The following VMP1 variants were observed in gnomAD, a reference collection of about 807,000 sequenced individuals.
VMP1 encodes the protein ectopic P-granules autophagy protein 3 homolog.
Under a neutral mutation model 56.0 loss-of-function variants are expected in VMP1, and 11 were observed. The ratio of observed to expected loss-of-function variants is 0.20; its 90% CI spans 0.12 to 0.32. The LOEUF (loss-of-function observed/expected upper bound fraction) is 0.32, where lower values mean the gene tolerates loss of function less well. VMP1 is among the 10% of genes least tolerant of loss of function. The probability of loss-of-function intolerance (pLI) is 1.00; values close to 1 mark genes in which losing one functional copy is unlikely to be tolerated. For missense variants in VMP1, 296 were observed against 490.3 expected, an observed-to-expected ratio of 0.60 and a Z score of 3.74; for synonymous variants, 149 against 165.0, an observed-to-expected ratio of 0.90 and a Z score of 0.74.
At chr17:59,818,678 C>T (rs760926293) in intron 10 of VMP1, among the ~76,000 whole-genome samples, 24 of 151,752 alleles carry the variant, frequency 1.6e-4, no homozygotes, top group Non-Finnish European at 2.8e-4. Context: ...GCGGAGGTTG[C>T]GGTGAGCTGA....
intron 10 of VMP1, among the ~76,000 whole-genome samples, chr17:59,837,020 T>C (rs186762380): frequency 3.0e-3 from 459 of 151,572 alleles, no homozygotes; most frequent in Admixed American, 6.0e-3. Context: ...GCAAAGATGG[T>C]GAAACCCCAT....
At chr17:59,801,393 G>A (rs2047724090) in intron 7 of VMP1, among the ~76,000 whole-genome samples, 1 of 149,600 alleles carries the variant, frequency 6.7e-6, no homozygotes, top group African/African-American at 2.4e-5. Flanking sequence ...ACACAGACTT[G>A]CATCACCACA....
chr17:59,734,586 A>G (rs2034948816), intron 2 of VMP1, among the ~76,000 whole-genome samples: 1 of 152,066 alleles, frequency 6.6e-6, no homozygotes, highest in African/African-American at 2.4e-5. Context: ...CAAAAATATT[A>G]GTTGGGTGCG....
chr17:59,725,257 C>T (rs1469134477), intron 1 of VMP1, among the ~76,000 whole-genome samples: 1 of 152,098 alleles, frequency 6.6e-6, no homozygotes, highest in East Asian at 1.9e-4. Flanking sequence ...GTGTGATTTT[C>T]TTCAGTTATG....
chr17:59,726,636 T>G (rs2034618004), intron 1 of VMP1, among the ~76,000 whole-genome samples: 1 of 152,230 alleles, frequency 6.6e-6, no homozygotes, highest in Admixed American at 6.5e-5. Flanking sequence ...TAAGTATAGC[T>G]TCAAGTTAAA....
intron 1 of VMP1, among the ~76,000 whole-genome samples, chr17:59,724,975 A>T (rs1451916073): frequency 7.3e-6 from 1 of 137,770 alleles, no homozygotes; most frequent in Non-Finnish European, 1.6e-5. Context: ...CAAAAAAAAA[A>T]ACAAAAACAA....
intron 1 of VMP1, among the ~76,000 whole-genome samples, chr17:59,726,357 A>T (rs1407841960): frequency 6.6e-6 from 1 of 151,008 alleles, no homozygotes; most frequent in African/African-American, 2.4e-5. Context: ...GCAGTGGTGC[A>T]ATCTCGGCTC....
At chr17:59,838,209 G>T in intron 10 of VMP1, 86 bp from the exon 11 acceptor site, 1 of 1,056,646 alleles carries the variant, frequency 9.5e-7, no homozygotes, top group Non-Finnish European at 1.4e-6. Flanking sequence ...TTTGAGTCCA[G>T]GTGGTAAGTA....
chr17:59,726,291 G>GTTTTTTT (rs541555827), intron 1 of VMP1, among the ~76,000 whole-genome samples: 6 of 145,058 alleles, frequency 4.1e-5, no homozygotes, highest in Non-Finnish European at 1.5e-5. Flanking sequence ...AGTTTTTTTT[G>GTTTTTTT]TTTTTTTTTT....
At chr17:59,760,485 T>C (rs1228586442) in intron 5 of VMP1, among the ~76,000 whole-genome samples, 1 of 152,202 alleles carries the variant, frequency 6.6e-6, no homozygotes, top group Non-Finnish European at 1.5e-5. Flanking sequence ...AAGTCTGACC[T>C]ATTTTTCCCT....
At position 59,778,539 on chromosome 17, in the gene VMP1, T is replaced by C. The variant is rs891185227; in HGVS notation, c.714+4654T>C. Among the ~76,000 whole-genome samples, 3 of 101,932 alleles carry C rather than the reference T, an allele frequency of 2.9e-5. No individual in the cohort carries two copies. The South Asian group carries it at 9.9e-4, about 34-fold the overall frequency. The allele number at this position is 101,932 out of a possible 152,430, so 66.9% of individuals were successfully genotyped here. A position where few individuals can be genotyped will look rare whatever the true frequency, so the allele number is the denominator to read the frequency against. On this transcript the variant is annotated intron_variant, in intron 7 of 11. Transcript: ENST00000262291. ...GCCTGGGTGAGAGCGAGACTCTGTC[T>C]CAAAAAAAAAAAAAAAAGAATAAGG...
At position 59,747,951 on chromosome 17, in the gene VMP1, C is replaced by G. The variant is rs553676216; in HGVS notation, c.414+9004C>G. Among the ~76,000 whole-genome samples the G allele has an allele frequency of 4.3e-3, 646 of 151,494 alleles. 6 individuals are homozygous for G. The highest frequency in any genetic ancestry group is 0.014 in the African/African-American group (591 of 41,340). On this transcript the variant is annotated intron_variant, in intron 5 of 11. Coordinates refer to ENST00000262291, the MANE Select transcript of VMP1 (RefSeq NM_030938.5). ...GTGGCTCACGCCTGTAATCCCAGCA[C>G]TTTGGGAGGCCAAGACGGGCGGATC...
chr17:59,756,866 T>C (rs529797926), intron 5 of VMP1, among the ~76,000 whole-genome samples: 1 of 152,348 alleles, frequency 6.6e-6, no homozygotes, highest in Non-Finnish European at 1.5e-5. Flanking sequence ...CTCTGGTCTT[T>C]TGGATGGTAT....
chr17:59,731,609 T>G (rs2034827303), intron 2 of VMP1, 87 bp downstream of exon 2: 1 of 954,946 alleles, frequency 1.0e-6, no homozygotes, highest in South Asian at 2.4e-5. Context: ...TATTACTTCT[T>G]TTATTTTTAA....
intron 8 of VMP1, among the ~76,000 whole-genome samples, chr17:59,811,452 G>A (rs1460357282): frequency 6.6e-6 from 1 of 152,156 alleles, no homozygotes; most frequent in Admixed American, 6.5e-5. Flanking sequence ...GGTTTGCTGT[G>A]AGCAGATTGA....
chr17:59,721,054 T>G (rs2034374806), intron 1 of VMP1, among the ~76,000 whole-genome samples: 1 of 149,952 alleles, frequency 6.7e-6, no homozygotes, highest in Non-Finnish European at 1.5e-5. Context: ...GATATAAAAA[T>G]AGGGATGGGG....
chr17:59,730,467 GT>G, intron 1 of VMP1, among the ~76,000 whole-genome samples: 1 of 152,192 alleles, frequency 6.6e-6, no homozygotes, highest in Non-Finnish European at 1.5e-5. Flanking sequence ...ATCTCACTGT[GT>G]AGTCCAGGCT....
intron 8 of VMP1, 114 bp from the exon 9 acceptor site, chr17:59,811,554 CAT>C: frequency 1.3e-6 from 1 of 751,068 alleles, no homozygotes; most frequent in African/African-American, 1.7e-5. Flanking sequence ...TCAAGGAACC[CAT>C]ATATTGCTTT....
intron 5 of VMP1, among the ~76,000 whole-genome samples, chr17:59,740,467 C>T (rs895776728): frequency 3.9e-5 from 6 of 152,324 alleles, no homozygotes; most frequent in Non-Finnish European, 7.3e-5. Flanking sequence ...GAATTCATCT[C>T]TGAAGCAGCT....
Sources: allele counts gnomAD v4.1 joint callset (sites outside exome capture counted in the v4.1 genomes callset), GRCh38; gene constraint gnomAD v4.1.1; transcripts MANE v1.5; gene names NCBI Gene and HGNC (gene_info 2026-07-23, HGNC 2026-07-21).